SUN5: variants seen among roughly 807,000 people sequenced by gnomAD.
The protein encoded by SUN5 is Sad1 and UNC84 domain containing 5.
Under a neutral mutation model 53.7 loss-of-function variants are expected in SUN5, and 44 were observed. The ratio of observed to expected loss-of-function variants is 0.82; its 90% CI spans 0.64 to 1.05. SUN5 has a LOEUF of 1.05. SUN5 is among the 50% of genes least tolerant of loss of function. The probability of loss-of-function intolerance (pLI) is 0.00; values close to 1 mark genes in which losing one functional copy is unlikely to be tolerated. For synonymous variants in SUN5, 166 were observed against 179.8 expected, an observed-to-expected ratio of 0.92 and a Z score of 0.62; for missense variants, 433 against 483.8, an observed-to-expected ratio of 0.90 and a Z score of 0.98.
At chr20:32,991,062 C>T (rs1156725119) in intron 8 of SUN5, among the ~76,000 whole-genome samples, 1 of 152,318 alleles carries the variant, frequency 6.6e-6, no homozygotes, top group African/African-American at 2.4e-5. Context: ...CTCCTCCCCT[C>T]GTTTACTGGG....
chr20:32,996,401 T>G (rs781392700), intron 6 of SUN5, 43 bp from the exon 7 acceptor site: 5 of 1,574,630 alleles, frequency 3.2e-6, no homozygotes, highest in East Asian at 2.3e-5. Context: ...TTCAGATGGC[T>G]TAATCTGGCC....
rs931753820 is a variant in SUN5 at position 33,002,992 on chromosome 20, C to T, written c.78-73G>A. Reference sequence around the variant, plus strand: ...TAGTGTCCTTGGAATGTGCATACCACGTTCCAGATTGGGAAACTGAGGTAC... The same window carrying T: ...TAGTGTCCTTGGAATGTGCATACCATGTTCCAGATTGGGAAACTGAGGTAC... On this transcript the variant is annotated intron_variant, in intron 1 of 12. Coordinates refer to ENST00000356173, the MANE Select transcript of SUN5 (RefSeq NM_080675.4). The T allele has an allele frequency of 5.4e-5, 84 of 1,545,604 alleles. 1 individual carries two copies. Among genetic ancestry groups the T allele is most frequent in the Middle Eastern group, 3.7e-4 (2 of 5,466 alleles).
chr20:33,000,793 C>T (rs1479867832), intron 4 of SUN5, among the ~76,000 whole-genome samples: 3 of 150,560 alleles, frequency 2.0e-5, no homozygotes, highest in Non-Finnish European at 2.9e-5. Flanking sequence ...TGCAGTGAGC[C>T]GTGATGGCAC....
At position 33,001,845 on chromosome 20, in the gene SUN5, G is replaced by A. The variant is rs182484464; in HGVS notation, c.212-567C>T. ...CACCACGCCCGGCTAATTTTTGTGG[G>A]GTTTCACTGTATTGGCCAGGTTGGT... On this transcript the variant is annotated intron_variant, in intron 3 of 12. Coordinates refer to ENST00000356173, the MANE Select transcript of SUN5 (RefSeq NM_080675.4). 5.9e-5 allele frequency among the ~76,000 whole-genome samples: 9 copies of A among 151,896 alleles called. No homozygotes were observed. The East Asian group carries it at 1.7e-3, about 30-fold the overall frequency.
intron 6 of SUN5, 94 bp downstream of exon 6, chr20:32,997,544 C>G: frequency 7.0e-7 from 1 of 1,425,600 alleles, no homozygotes; most frequent in South Asian, 1.2e-5. Context: ...ATGAGGGGCC[C>G]CATTTGGTGA....
In SUN5 at chr20:32,987,778, G is replaced by A. The variant is rs1296818003; in HGVS notation, c.614-3C>T. ...GTGCTCAAAGTCAATGCTGGCCCCT[G>A]TATAGGAGAAGGGGGTCTCAGCCAA... On this transcript the variant is annotated splice_polypyrimidine_tract_variant and splice_region_variant and intron_variant, in intron 9 of 12. Transcript: ENST00000356173. The A allele has an allele frequency of 4.3e-6, 7 of 1,609,916 alleles. No individual in the cohort carries two copies. Among genetic ancestry groups the A allele is most frequent in the Non-Finnish European group, 5.9e-6 (7 of 1,178,166 alleles).
At chr20:32,993,942 G>A (rs1026834225) in intron 8 of SUN5, among the ~76,000 whole-genome samples, 1 of 152,220 alleles carries the variant, frequency 6.6e-6, no homozygotes, top group Non-Finnish European at 1.5e-5. Context: ...CACTTCACCT[G>A]GGGGCACTAA....
chr20:33,001,273 A>G lies in SUN5; in HGVS notation c.217T>C (p.Phe73Leu). ...TQCMLGCVSWFTCFACSLRTQ... is the reference protein window; with the variant it reads ...TQCMLGCVSWLTCFACSLRTQ... ...CTCAGGGAGCAGGCAAAACAGGTGA[A>G]CCAGGCTGCACGGGAGACAGAAAAG... is the stretch of plus-strand genomic sequence containing the variant. The change falls in exon 4 of 13, where the codon TTC (phenylalanine) becomes CTC (leucine). Residue 73 changes from phenylalanine to leucine, a missense_variant. Phe to Leu is a conservative substitution (Grantham distance 22). Transcript: ENST00000356173. 2 of 1,573,220 alleles carry G rather than the reference A, an allele frequency of 1.3e-6. No homozygotes were observed. Among genetic ancestry groups the G allele is most frequent in the Non-Finnish European group, 1.7e-6 (2 of 1,156,882 alleles).
chr20:32,989,856 G>A (rs369575339), intron 8 of SUN5, among the ~76,000 whole-genome samples, 158 bp from the exon 9 acceptor site: 259 of 152,236 alleles, frequency 1.7e-3, no homozygotes, highest in African/African-American at 6.1e-3. Flanking sequence ...AAGCCCAGGT[G>A]ACACAAAGCC....
chr20:33,004,209 G>A (rs1990126496), intron 1 of SUN5, 55 bp downstream of exon 1: 12 of 1,494,032 alleles, frequency 8.0e-6, no homozygotes, highest in Non-Finnish European at 8.1e-6. Context: ...GGGTGGAGGG[G>A]CAGCATTTTG....
rs1246350706 is a variant in SUN5 at position 32,985,092 on chromosome 20, C to G, written c.984+7G>C. The G allele has an allele frequency of 6.2e-7, 1 of 1,613,952 alleles. No homozygotes were observed. Among genetic ancestry groups the G allele is most frequent in the African/African-American group, 1.3e-5 (1 of 75,036 alleles). On this transcript the variant is annotated splice_region_variant and intron_variant, in intron 12 of 12. Transcript: ENST00000356173. ...GGTGCTCAGCACAGGCAGCTCTTCG[C>G]AGGTACCTGGAGTGGGAACATCTGG... is the stretch of plus-strand genomic sequence containing the variant.
chr20:32,984,755 G>T (rs1226624748), intron 12 of SUN5, among the ~76,000 whole-genome samples: 1 of 152,174 alleles, frequency 6.6e-6, no homozygotes. Context: ...GATAATTATG[G>T]GGCCACCCAC....
intron 8 of SUN5, among the ~76,000 whole-genome samples, chr20:32,991,805 A>G (rs1262293753): frequency 3.3e-5 from 5 of 152,222 alleles, no homozygotes; most frequent in African/African-American, 1.2e-4. Flanking sequence ...CTTCTAGGTA[A>G]AGTTGATGGA....
intron 11 of SUN5, 87 bp downstream of exon 11, chr20:32,985,649 C>G: frequency 1.3e-6 from 2 of 1,508,148 alleles, no homozygotes; most frequent in Non-Finnish European, 1.8e-6. Context: ...AAGTGTTGTG[C>G]AGACACTGTT....
At chr20:33,001,570 C>CTTTCTTTCTTTCTTTCTTTCTTTT (rs750352057) in intron 3 of SUN5, among the ~76,000 whole-genome samples, 6 of 71,448 alleles carry the variant, frequency 8.4e-5, no homozygotes, top group African/African-American at 3.2e-4. Flanking sequence ...TTCTTTTCTT[C>CTTTCTTTCTTTCTTTCTTTCTTTT]CTTCCTTCCT....
chr20:32,999,880 C>T, intron 5 of SUN5, 194 bp downstream of exon 5: 1 of 1,534,912 alleles, frequency 6.5e-7, no homozygotes, highest in Non-Finnish European at 8.8e-7. Flanking sequence ...AGCTTTATAA[C>T]TTCTGAAGCA....
chr20:33,002,211 C>CTG (rs1489790233), intron 3 of SUN5, among the ~76,000 whole-genome samples: 1 of 151,998 alleles, frequency 6.6e-6, no homozygotes, highest in African/African-American at 2.4e-5. Context: ...GAATGGGAGA[C>CTG]TGAAAGGATG....
chr20:32,986,891 G>A (rs1034402736), intron 10 of SUN5, among the ~76,000 whole-genome samples: 3 of 152,264 alleles, frequency 2.0e-5, no homozygotes, highest in East Asian at 3.9e-4. Flanking sequence ...ATCTGCCTGC[G>A]GATCTGCTAG....
chr20:32,990,215 G>A (rs1989676029), intron 8 of SUN5, among the ~76,000 whole-genome samples: 1 of 152,152 alleles, frequency 6.6e-6, no homozygotes, highest in South Asian at 2.1e-4. Flanking sequence ...GAGGCACAAA[G>A]GTGTAGCTTG....
Sources: gnomAD v4.1 joint callset for allele counts (sites outside exome capture counted in the v4.1 genomes callset) on GRCh38, gnomAD v4.1.1 for gene constraint, MANE v1.5 for transcripts, NCBI Gene and HGNC (gene_info 2026-07-23, HGNC 2026-07-21) for gene names.